SBF2: variants seen among roughly 807,000 people sequenced by gnomAD.
SBF2 encodes the protein SET binding factor 2.
A neutral mutation model predicts 225.2 loss-of-function variants in SBF2; 112 were observed. The observed-to-expected ratio is 0.50, with a 90% CI of 0.43 to 0.58. The LOEUF is 0.58. SBF2 is among the 20% of genes least tolerant of loss of function. The pLI, the probability that SBF2 is intolerant of heterozygous loss-of-function variation, is 0.00. For missense variants in SBF2, 1,996 were observed against 2,206.2 expected (o/e 0.90, Z 1.91); for synonymous variants, 763 against 773.3 (o/e 0.99, Z 0.22).
intron 2 of SBF2, among the ~76,000 whole-genome samples, chr11:10,145,679 G>A (rs184844961): frequency 9.2e-5 from 14 of 152,180 alleles, no homozygotes; most frequent in Non-Finnish European, 1.3e-4. Flanking sequence ...GGAGTTCCTC[G>A]AGAGATGGGC....
At chr11:9,988,210 A>T (rs1170422046) in intron 13 of SBF2, among the ~76,000 whole-genome samples, 1 of 152,246 alleles carries the variant, frequency 6.6e-6, no homozygotes, top group Non-Finnish European at 1.5e-5. Context: ...GGTTAGCCAC[A>T]TGTAGGAGAA....
chr11:10,288,589 G>A (rs1963950443), intron 1 of SBF2, among the ~76,000 whole-genome samples: 1 of 152,004 alleles, frequency 6.6e-6, no homozygotes, highest in Non-Finnish European at 1.5e-5. Flanking sequence ...CAGCAGAGAG[G>A]TCCTAGACTA....
intron 2 of SBF2, among the ~76,000 whole-genome samples, chr11:10,067,941 C>G (rs1384391576): frequency 6.6e-6 from 1 of 151,972 alleles, no homozygotes; most frequent in Admixed American, 6.6e-5. Flanking sequence ...ACACAGAAAC[C>G]CACACATAGA....
At chr11:9,895,835 T>C in intron 17 of SBF2, 108 bp downstream of exon 17, 2 of 814,830 alleles carry the variant, frequency 2.5e-6, no homozygotes, top group Admixed American at 3.5e-5. Context: ...AGATATATCT[T>C]AGGCATGCTA....
chr11:10,239,939 C>T (rs1959185587), intron 1 of SBF2, among the ~76,000 whole-genome samples: 1 of 151,966 alleles, frequency 6.6e-6, no homozygotes, highest in South Asian at 2.1e-4. Flanking sequence ...TAGTAGTGAG[C>T]CAAACAGCAC....
At chr11:9,801,991 C>T (rs1241831108) in intron 32 of SBF2, among the ~76,000 whole-genome samples, 1 of 152,058 alleles carries the variant, frequency 6.6e-6, no homozygotes, top group African/African-American at 2.4e-5. Flanking sequence ...TCACATAAAG[C>T]CAGACCAAAG....
At chr11:10,106,071 GGTTT>G (rs975000353) in intron 2 of SBF2, among the ~76,000 whole-genome samples, 3 of 152,038 alleles carry the variant, frequency 2.0e-5, no homozygotes, top group African/African-American at 7.2e-5. Context: ...TATATGTGCA[GGTTT>G]GTTACATGGG....
intron 6 of SBF2, among the ~76,000 whole-genome samples, chr11:10,026,027 G>A (rs1949039964): frequency 6.7e-6 from 1 of 148,990 alleles, no homozygotes; most frequent in African/African-American, 2.4e-5. Context: ...TTTATCTACA[G>A]TAGTTTTTTT....
chr11:9,907,206 G>A (rs567824001), intron 16 of SBF2, among the ~76,000 whole-genome samples: 1 of 152,106 alleles, frequency 6.6e-6, no homozygotes, highest in East Asian at 1.9e-4. Flanking sequence ...GCTATTTTCT[G>A]ACCATTATAG....
intron 1 of SBF2, among the ~76,000 whole-genome samples, chr11:10,203,854 A>G (rs900402091): frequency 1.3e-5 from 2 of 152,096 alleles, no homozygotes; most frequent in African/African-American, 4.8e-5. Context: ...AAAAAGACAA[A>G]AAAACAAAAA....
At chr11:9,981,835 A>G (rs1468615491) in intron 13 of SBF2, among the ~76,000 whole-genome samples, 1 of 152,238 alleles carries the variant, frequency 6.6e-6, no homozygotes, top group Non-Finnish European at 1.5e-5. Context: ...GTCTTCCAGA[A>G]TATTTTTTTG....
chr11:9,919,064 C>T (rs1467658574), intron 16 of SBF2, among the ~76,000 whole-genome samples: 1 of 152,054 alleles, frequency 6.6e-6, no homozygotes, highest in Non-Finnish European at 1.5e-5. Flanking sequence ...TAATCCTCTA[C>T]TATCCAACTT....
At position 10,248,375 on chromosome 11, in the gene SBF2, G is replaced by C. The variant is rs542596327; in HGVS notation, c.55+45640C>G. 2.0e-5 allele frequency among the ~76,000 whole-genome samples: 3 copies of C among 152,306 alleles called. No individual in the cohort carries two copies. The East Asian group carries it at 5.8e-4, about 29-fold the overall frequency. On this transcript the variant is annotated intron_variant, in intron 1 of 39. Coordinates refer to ENST00000256190, the MANE Select transcript of SBF2 (RefSeq NM_030962.4). ...TGCAGTACAATTTAAAGGTGATTAG[G>C]CCTCTTAAATGCTTCATAAAATGCC...
At chr11:9,958,909 T>C in intron 16 of SBF2, 1 of 682,184 alleles carries the variant, frequency 1.5e-6, no homozygotes, top group Non-Finnish European at 2.7e-6. Flanking sequence ...TATGATGGGC[T>C]ATAAGAGCAG....
chr11:9,786,234 A>G (rs1852364539), intron 36 of SBF2, among the ~76,000 whole-genome samples: 1 of 152,214 alleles, frequency 6.6e-6, no homozygotes. Context: ...GGTTTAAAAT[A>G]GTATGTCTAG....
intron 2 of SBF2, among the ~76,000 whole-genome samples, chr11:10,056,224 G>A (rs1023177855): frequency 2.0e-5 from 3 of 152,118 alleles, no homozygotes; most frequent in Admixed American, 2.0e-4. Context: ...GGCTATTCAA[G>A]TTCCTTTTTG....
intron 2 of SBF2, among the ~76,000 whole-genome samples, chr11:10,058,636 C>T (rs1218204717): frequency 6.6e-6 from 1 of 151,956 alleles, no homozygotes; most frequent in African/African-American, 2.4e-5. Flanking sequence ...TTAGAGAGGC[C>T]AATCAGTCAA....
At chr11:10,010,719 A>C (rs1212696771) in intron 6 of SBF2, among the ~76,000 whole-genome samples, 1 of 151,368 alleles carries the variant, frequency 6.6e-6, no homozygotes, top group Admixed American at 6.6e-5. Context: ...TTGGCTATAC[A>C]GGCTCTTCTT....
chr11:9,975,591 A>T (rs1056031760), intron 13 of SBF2, among the ~76,000 whole-genome samples: 2 of 152,220 alleles, frequency 1.3e-5, no homozygotes, highest in African/African-American at 4.8e-5. Flanking sequence ...CAAAACTCGT[A>T]ACTGTAGATT....
Sources: allele counts gnomAD v4.1 joint callset (sites outside exome capture counted in the v4.1 genomes callset), GRCh38; gene constraint gnomAD v4.1.1; transcripts MANE v1.5; gene names NCBI Gene and HGNC (gene_info 2026-07-23, HGNC 2026-07-21).